HPSE2: variants seen among roughly 807,000 people sequenced by gnomAD.
The protein encoded by HPSE2 is inactive heparanase-2.
Under a neutral mutation model 60.5 loss-of-function variants are expected in HPSE2, and 38 were observed. The ratio of observed to expected loss-of-function variants is 0.63; its 90% CI spans 0.48 to 0.82. HPSE2 has a LOEUF of 0.82. Ranked by LOEUF, HPSE2 falls within the 40% of genes least tolerant of loss-of-function variation. The pLI is 0.00. For synonymous variants in HPSE2, 295 were observed against 293.2 expected (o/e 1.01, Z -0.06); for missense variants, 713 against 740.4 (o/e 0.96, Z 0.43).
chr10:98,674,932 CACCACT>C (rs1422997708), intron 6 of HPSE2, among the ~76,000 whole-genome samples: 1 of 152,090 alleles, frequency 6.6e-6, no homozygotes, highest in Non-Finnish European at 1.5e-5. Context: ...TTCAAAGAGG[CACCACT>C]ACATGAATGT....
intron 3 of HPSE2, among the ~76,000 whole-genome samples, chr10:99,040,913 T>G (rs1177519354): frequency 1.3e-5 from 2 of 151,822 alleles, no homozygotes; most frequent in Admixed American, 6.6e-5. Context: ...AGTGAAACCC[T>G]GTCTCTACGA....
intron 2 of HPSE2, among the ~76,000 whole-genome samples, chr10:99,153,765 G>C (rs1251096859): frequency 6.6e-6 from 1 of 152,112 alleles, no homozygotes; most frequent in Non-Finnish European, 1.5e-5. Flanking sequence ...TGACTTTGAC[G>C]AGCTGAGAGA....
chr10:99,311,132 G>C, the HPSE2 span, among the ~76,000 whole-genome samples: 1 of 151,846 alleles, frequency 6.6e-6, no homozygotes, highest in Non-Finnish European at 1.5e-5. Context: ...TGACCATAAG[G>C]CTTTGAGTAT....
At chr10:99,007,557 T>G (rs545407439) in intron 3 of HPSE2, among the ~76,000 whole-genome samples, 1 of 152,356 alleles carries the variant, frequency 6.6e-6, no homozygotes, top group African/African-American at 2.4e-5. Context: ...AGTGATGTTT[T>G]TGCAGAGGAC....
At chr10:99,252,386 C>T in the HPSE2 span, among the ~76,000 whole-genome samples, 1 of 152,116 alleles carries the variant, frequency 6.6e-6, no homozygotes, top group Non-Finnish European at 1.5e-5. Context: ...CAAACTATCT[C>T]TCTTTATGGA....
At chr10:98,844,625 G>A (rs1004042980) in intron 3 of HPSE2, among the ~76,000 whole-genome samples, 5 of 152,112 alleles carry the variant, frequency 3.3e-5, no homozygotes, top group Non-Finnish European at 7.4e-5. Context: ...TCCACACCAG[G>A]TTATCAATCA....
chr10:98,938,890 G>A (rs1954897780), intron 3 of HPSE2, among the ~76,000 whole-genome samples: 1 of 144,364 alleles, frequency 6.9e-6, no homozygotes, highest in East Asian at 2.0e-4. Flanking sequence ...TGATCTCTTG[G>A]CAGAAACTCT....
rs182686626 is a variant in HPSE2 at position 98,888,650 on chromosome 10, C to T, written c.611-144594G>A. ...TGGTACATGTTAAGTGCTCAATTAC[C>T]GTCTCCTTTCTCCCCAAACTGGCTG... On this transcript the variant is annotated intron_variant, in intron 3 of 11. Coordinates refer to ENST00000370552, the MANE Select transcript of HPSE2 (RefSeq NM_021828.5). Among the ~76,000 whole-genome samples the T allele has an allele frequency of 8.1e-4, 124 of 152,208 alleles. 1 individual carries two copies. Among genetic ancestry groups the T allele is most frequent in the Non-Finnish European group, 6.3e-4 (43 of 68,004 alleles).
chr10:99,106,863 T>C (rs7092727), intron 3 of HPSE2, among the ~76,000 whole-genome samples: 24,932 of 152,126 alleles, frequency 0.16, 2,423 homozygotes, highest in Admixed American at 0.24. Context: ...CCTTTCTGAC[T>C]CTTAAGTTTG....
chr10:99,174,487 C>T (rs1356177367), intron 2 of HPSE2, among the ~76,000 whole-genome samples: 20 of 152,126 alleles, frequency 1.3e-4, no homozygotes, highest in Non-Finnish European at 2.9e-4. Flanking sequence ...TGGTGATGAC[C>T]ATTATTCTGT....
At chr10:99,141,397 C>A (rs1443446678) in intron 3 of HPSE2, among the ~76,000 whole-genome samples, 1 of 152,138 alleles carries the variant, frequency 6.6e-6, no homozygotes, top group South Asian at 2.1e-4. Context: ...ACTTTAAAAA[C>A]CCTCTAGGCT....
At chr10:99,304,107 G>A in the HPSE2 span, among the ~76,000 whole-genome samples, 2 of 152,204 alleles carry the variant, frequency 1.3e-5, no homozygotes, top group African/African-American at 4.8e-5. Context: ...TTAAGGAGGA[G>A]TATCTAATCT....
chr10:99,208,778 C>T (rs1236820228), intron 2 of HPSE2, among the ~76,000 whole-genome samples: 1 of 151,910 alleles, frequency 6.6e-6, no homozygotes, highest in African/African-American at 2.4e-5. Flanking sequence ...CTTACTTCTC[C>T]TTTAAGGACA....
chr10:98,873,228 A>G (rs1257857694), intron 3 of HPSE2, among the ~76,000 whole-genome samples: 1 of 151,844 alleles, frequency 6.6e-6, no homozygotes, highest in Non-Finnish European at 1.5e-5. Flanking sequence ...TTTAATTTGT[A>G]TTTGTTTATT....
chr10:98,710,368 A>G (rs1948647077), intron 5 of HPSE2, among the ~76,000 whole-genome samples: 1 of 152,124 alleles, frequency 6.6e-6, no homozygotes, highest in Non-Finnish European at 1.5e-5. Context: ...GGACCAATAA[A>G]AAGTATATAG....
chr10:98,941,123 A>G (rs937134380), intron 3 of HPSE2, among the ~76,000 whole-genome samples: 1 of 142,582 alleles, frequency 7.0e-6, no homozygotes, highest in African/African-American at 2.9e-5. Context: ...CACAGCCAGT[A>G]TCATCCTGAA....
At chr10:98,837,385 T>TGTCTATTTCAAAGAATGGGGCAGGCATCA in intron 3 of HPSE2, among the ~76,000 whole-genome samples, 1 of 152,200 alleles carries the variant, frequency 6.6e-6, no homozygotes, top group East Asian at 1.9e-4. Context: ...AAATGACAGT[T>TGTCTATTTCAAAGAATGGGGCAGGCATCA]GTCTATTTCA....
intron 2 of HPSE2, among the ~76,000 whole-genome samples, chr10:99,217,099 A>G (rs1849154547): frequency 6.6e-6 from 1 of 151,948 alleles, no homozygotes; most frequent in Admixed American, 6.6e-5. Context: ...ATCATCACTA[A>G]AGCAAAATGC....
At chr10:98,521,513 G>A (rs1942791338) in intron 9 of HPSE2, among the ~76,000 whole-genome samples, 2 of 152,142 alleles carry the variant, frequency 1.3e-5, no homozygotes, top group Non-Finnish European at 1.5e-5. Context: ...TGGAGAAATA[G>A]GAATGTTTTT....
Sources: gnomAD v4.1 joint callset for allele counts (sites outside exome capture counted in the v4.1 genomes callset) on GRCh38, gnomAD v4.1.1 for gene constraint, MANE v1.5 for transcripts, NCBI Gene and HGNC (gene_info 2026-07-23, HGNC 2026-07-21) for gene names.